The following PCDHA7 variants were observed in gnomAD, a reference collection of about 807,000 sequenced individuals.
PCDHA7 encodes protocadherin alpha 7.
In PCDHA7, 37 loss-of-function variants were observed where a neutral mutation model predicts 57.2. That is an observed-to-expected ratio of 0.65 (90% CI 0.50 to 0.85). The LOEUF (loss-of-function observed/expected upper bound fraction) is 0.85. PCDHA7 is among the 40% of genes least tolerant of loss of function. The pLI, the probability that PCDHA7 is intolerant of heterozygous loss-of-function variation, is 0.00. For missense variants in PCDHA7, 1,188 were observed against 1,241.8 expected (o/e 0.96, Z 0.65); for synonymous variants, 553 against 558.8 (o/e 0.99, Z 0.15).
intron 1 of PCDHA7, among the ~76,000 whole-genome samples, chr5:140,970,479 G>A (rs782054417): frequency 1.3e-4 from 20 of 152,160 alleles, no homozygotes; most frequent in Admixed American, 8.5e-4. Context: ...AGGCCAGCTT[G>A]TTCATTATTA....
At chr5:140,993,540 A>T (rs1189758746) in intron 3 of PCDHA7, among the ~76,000 whole-genome samples, 7 of 151,678 alleles carry the variant, frequency 4.6e-5, no homozygotes, top group Non-Finnish European at 8.8e-5. Context: ...AGAGAGAGAT[A>T]GAGAAGTGAA....
At chr5:140,968,167 A>C (rs782252124) in intron 1 of PCDHA7, 1 of 1,614,076 alleles carries the variant, frequency 6.2e-7, no homozygotes, top group Admixed American at 1.7e-5. Flanking sequence ...ACAATCCACC[A>C]AGCTTCCTGG....
At chr5:140,875,560 C>T (rs1554167756) in intron 1 of PCDHA7, 2 of 1,614,124 alleles carry the variant, frequency 1.2e-6, no homozygotes, top group Admixed American at 3.3e-5. Flanking sequence ...GGGGAGCGGC[C>T]AGCTCCACTA....
chr5:140,986,758 G>A (rs1242772553), intron 3 of PCDHA7, among the ~76,000 whole-genome samples: 1 of 152,194 alleles, frequency 6.6e-6, no homozygotes, highest in Non-Finnish European at 1.5e-5. Context: ...ACTAAACAGT[G>A]AAAGATTAAT....
intron 1 of PCDHA7, chr5:140,850,379 G>A: frequency 1.3e-6 from 2 of 1,597,906 alleles, no homozygotes; most frequent in Non-Finnish European, 1.7e-6. Flanking sequence ...GGCTGTACAC[G>A]GGCGAGATCA....
rs555714516 is a variant in PCDHA7, at chr5:140,983,025, A to T, written c.2503+462A>T. Among the ~76,000 whole-genome samples the T allele has an allele frequency of 9.9e-5, 15 of 151,964 alleles. 1 individual carries two copies. The South Asian group carries it at 2.9e-3, about 29-fold the overall frequency. ...AAGAAAAAGGAAGGAAGGAAGGAAG[A>T]TGGTTTCTCATGGAAGTGGAAAATT... On this transcript the variant is annotated intron_variant, in intron 3 of 3. Coordinates refer to ENST00000525929, the MANE Select transcript of PCDHA7 (RefSeq NM_018910.3).
rs952231570 is a variant in PCDHA7 at position 140,897,305 on chromosome 5, G to C, written c.2355+60567G>C. Among the ~76,000 whole-genome samples the C allele has an allele frequency of 1.9e-3, 284 of 150,706 alleles. 1 individual carries two copies. Among genetic ancestry groups the C allele is most frequent in the African/African-American group, 6.8e-3 (278 of 41,056 alleles). On this transcript the variant is annotated intron_variant, in intron 1 of 3. Coordinates refer to ENST00000525929, the MANE Select transcript of PCDHA7 (RefSeq NM_018910.3). ...CCATTAACTCGTCATTTAGCATTAG[G>C]TATATCTCCTAAAGCTATCCCTCCC...
intron 1 of PCDHA7, chr5:140,884,638 G>C: frequency 6.2e-7 from 1 of 1,610,712 alleles, no homozygotes; most frequent in South Asian, 1.1e-5. Context: ...GCCAGAGGGA[G>C]GAGGACTCAG....
At position 140,997,696 on chromosome 5, in the gene PCDHA7, GTA is replaced by G. The variant is rs1328869274; in HGVS notation, c.2504-11929_2504-11928del. On this transcript the variant is annotated intron_variant, in intron 3 of 3. Transcript: ENST00000525929. ...TGTGTGTGTGTGTGTGTGTGTGTGT[GTA>G]TGTTAACAAACACCTTTCTACGTCA... Among the ~76,000 whole-genome samples, 208 of 148,602 alleles carry G rather than the reference GTA, an allele frequency of 1.4e-3. 1 individual carries two copies. Among genetic ancestry groups the G allele is most frequent in the African/African-American group, 4.8e-3 (197 of 40,710 alleles).
chr5:140,834,590 A>T lies in PCDHA7; in HGVS notation c.207A>T (p.Lys69Asn). 3 of 1,614,104 alleles carry T rather than the reference A, an allele frequency of 1.9e-6. No homozygotes were observed. Among genetic ancestry groups the T allele is most frequent in the Non-Finnish European group, 2.5e-6 (3 of 1,180,002 alleles). ...CGCGCCTGTTCCGGGCGGTGTGCAA[A>T]TTCCGTGGGGATCTTCTGGAGGTAA... is the stretch of plus-strand genomic sequence containing the variant. ...LVPRLFRAVC[K>N]FRGDLLEVNL... Residue 69 changes from lysine (K) to asparagine (N), a missense_variant, in exon 1 of 4, where the codon AAA (lysine) becomes AAT (asparagine). Coordinates refer to ENST00000525929, the MANE Select transcript of PCDHA7 (RefSeq NM_018910.3).
At chr5:140,870,456 G>A (rs782212198) in intron 1 of PCDHA7, 15 of 1,614,110 alleles carry the variant, frequency 9.3e-6, no homozygotes, top group South Asian at 5.5e-5. Flanking sequence ...ACGACAATGC[G>A]CCTGCGTTCG....
intron 1 of PCDHA7, among the ~76,000 whole-genome samples, chr5:140,903,298 A>G (rs1218115864): frequency 6.6e-6 from 1 of 152,170 alleles, no homozygotes; most frequent in Non-Finnish European, 1.5e-5. Context: ...TAGGAAATTT[A>G]GTATACAATA....
At chr5:140,956,565 A>G (rs190736286) in intron 1 of PCDHA7, among the ~76,000 whole-genome samples, 2 of 152,284 alleles carry the variant, frequency 1.3e-5, no homozygotes, top group Non-Finnish European at 2.9e-5. Flanking sequence ...TATCTTATTG[A>G]GGATTTTTGC....
intron 1 of PCDHA7, chr5:140,843,660 T>C (rs2150364651): frequency 6.3e-7 from 1 of 1,594,154 alleles, no homozygotes; most frequent in Non-Finnish European, 8.6e-7. Flanking sequence ...CCTCCTGATC[T>C]GGGATCAGTT....
chr5:141,003,343 GCT>G (rs1554259027), intron 3 of PCDHA7, among the ~76,000 whole-genome samples: 1 of 152,198 alleles, frequency 6.6e-6, no homozygotes, highest in Non-Finnish European at 1.5e-5. Context: ...TTGTTTGTTT[GCT>G]CTGTCACCCA....
chr5:140,868,895 G>A (rs782646284), intron 1 of PCDHA7: 198 of 777,068 alleles, frequency 2.5e-4, no homozygotes, highest in Admixed American at 3.7e-4. Flanking sequence ...TAGGCGCAAG[G>A]TGTCGCTCTT....
At chr5:140,981,630 A>G (rs1299640748) in intron 2 of PCDHA7, among the ~76,000 whole-genome samples, 1 of 152,110 alleles carries the variant, frequency 6.6e-6, no homozygotes, top group East Asian at 1.9e-4. Flanking sequence ...GTTTTCTTGG[A>G]CATTTTCTCT....
chr5:140,961,622 A>G (rs2095624628), intron 1 of PCDHA7, among the ~76,000 whole-genome samples: 1 of 152,218 alleles, frequency 6.6e-6, no homozygotes, highest in Non-Finnish European at 1.5e-5. Flanking sequence ...AAGTGCCCAT[A>G]TGAAAAACAA....
intron 1 of PCDHA7, among the ~76,000 whole-genome samples, chr5:140,976,889 T>A (rs2096736169): frequency 6.6e-6 from 1 of 152,218 alleles, no homozygotes; most frequent in Admixed American, 6.5e-5. Context: ...TTAGGATACA[T>A]GCAACAGTAT....
Sources: allele counts gnomAD v4.1 joint callset (sites outside exome capture counted in the v4.1 genomes callset), GRCh38; gene constraint gnomAD v4.1.1; transcripts MANE v1.5; gene names NCBI Gene and HGNC (gene_info 2026-07-23, HGNC 2026-07-21).